CSMD3: variants seen among roughly 807,000 people sequenced by gnomAD.
CSMD3 encodes the protein CUB and Sushi multiple domains 3, also known as CUB and sushi domain-containing protein 3.
A neutral mutation model predicts 435.2 loss-of-function variants in CSMD3; 177 were observed. The ratio of observed to expected loss-of-function variants is 0.41; its 90% CI spans 0.36 to 0.46. CSMD3 has a LOEUF of 0.46. Ranked by LOEUF, CSMD3 falls within the 20% of genes least tolerant of loss-of-function variation. The pLI, the probability that CSMD3 is intolerant of heterozygous loss-of-function variation, is 0.34. For missense variants in CSMD3, 4,265 were observed against 4,504.6 expected (o/e 0.95, Z 1.52); for synonymous variants, 1,656 against 1,520.5 (o/e 1.09, Z -2.07).
chr8:112,681,554 A>T (rs1356942798), intron 16 of CSMD3, among the ~76,000 whole-genome samples: 2 of 151,732 alleles, frequency 1.3e-5, no homozygotes, highest in African/African-American at 2.4e-5. Context: ...ATAATCTGAG[A>T]TTTCATATGA....
intron 27 of CSMD3, among the ~76,000 whole-genome samples, chr8:112,544,744 C>T (rs1011832725): frequency 2.0e-5 from 3 of 152,180 alleles, no homozygotes; most frequent in Non-Finnish European, 4.4e-5. Context: ...CCTTGCTGAT[C>T]TCTGCTTGGG....
At chr8:113,015,667 T>G (rs946875382) in intron 6 of CSMD3, among the ~76,000 whole-genome samples, 6 of 151,854 alleles carry the variant, frequency 4.0e-5, no homozygotes, top group African/African-American at 1.4e-4. Flanking sequence ...ATGAGATATT[T>G]CATACTTGTA....
At chr8:113,258,883 A>G (rs1390428377) in intron 3 of CSMD3, among the ~76,000 whole-genome samples, 2 of 152,174 alleles carry the variant, frequency 1.3e-5, no homozygotes, top group Non-Finnish European at 2.9e-5. Flanking sequence ...GGTAAAGACC[A>G]TAAGAAGTGG....
chr8:112,750,097 A>G (rs922936029), intron 13 of CSMD3, among the ~76,000 whole-genome samples: 1 of 152,080 alleles, frequency 6.6e-6, no homozygotes, highest in Non-Finnish European at 1.5e-5. Flanking sequence ...AAGTCGATGT[A>G]GAGTGTGGTC....
chr8:112,459,639 A>C (rs969542393), intron 32 of CSMD3, among the ~76,000 whole-genome samples: 3 of 152,162 alleles, frequency 2.0e-5, no homozygotes, highest in African/African-American at 7.2e-5. Flanking sequence ...TAACAAGAAC[A>C]ATTAAGCATT....
chr8:113,035,314 G>A (rs1032882600), intron 5 of CSMD3, among the ~76,000 whole-genome samples: 1 of 151,992 alleles, frequency 6.6e-6, no homozygotes, highest in Non-Finnish European at 1.5e-5. Context: ...TAATAAGGCA[G>A]TATTATAAAC....
chr8:112,263,754 G>A lies in CSMD3; in HGVS notation c.9747C>T (p.Phe3249=), dbSNP rs61754530. The change falls in exon 61 of 71, where the codon TTC becomes TTT. Residue 3249 remains phenylalanine (F), a synonymous_variant. Coordinates refer to ENST00000297405, the MANE Select transcript of CSMD3 (RefSeq NM_198123.2). ...TGTAGCTAATACTAAAGCCCCAGTCGAAATTTGTTCCTTCCAGCCTTCCAT... is the reference window on the plus strand; with the variant it reads ...TGTAGCTAATACTAAAGCCCCAGTCAAAATTTGTTCCTTCCAGCCTTCCAT... ...ISNGRLEGTN[F]DWGFSISYIC... 3.7e-5 allele frequency: 60 copies of A among 1,613,724 alleles called. 1 individual carries two copies. The highest frequency in any genetic ancestry group is 2.3e-4 in the South Asian group (21 of 91,082).
intron 3 of CSMD3, among the ~76,000 whole-genome samples, chr8:113,255,546 C>CT (rs1325438830): frequency 6.6e-6 from 1 of 151,954 alleles, no homozygotes; most frequent in Non-Finnish European, 1.5e-5. Context: ...TGTTGCAACT[C>CT]TGAGTTGTAC....
intron 9 of CSMD3, among the ~76,000 whole-genome samples, chr8:112,939,586 AG>A (rs2083388313): frequency 6.6e-6 from 1 of 152,096 alleles, no homozygotes; most frequent in Admixed American, 6.6e-5. Flanking sequence ...ACGCTTTTAC[AG>A]ATGCAATGAC....
intron 3 of CSMD3, among the ~76,000 whole-genome samples, chr8:113,195,074 G>C (rs1244284733): frequency 6.6e-6 from 1 of 151,200 alleles, no homozygotes; most frequent in Non-Finnish European, 1.5e-5. Context: ...GACATCAAGA[G>C]ATCAAAGACA....
At chr8:112,386,753 C>A (rs537790151) in intron 36 of CSMD3, among the ~76,000 whole-genome samples, 5 of 151,776 alleles carry the variant, frequency 3.3e-5, no homozygotes, top group African/African-American at 1.2e-4. Flanking sequence ...CGCCTCGGCC[C>A]CCCAAAGTGC....
At position 113,074,574 on chromosome 8, in the gene CSMD3, A is replaced by G. The variant is rs144893006; in HGVS notation, c.917+24182T>C. 3.7e-4 allele frequency among the ~76,000 whole-genome samples: 57 copies of G among 152,030 alleles called. 1 individual carries two copies. The East Asian group carries it at 0.01, about 28-fold the overall frequency. ...GGCTTAGTCAATGGAATTATGTATC[A>G]TATAATCTTACTTGCTATAGTTAGT... is the stretch of plus-strand genomic sequence containing the variant. On this transcript the variant is annotated intron_variant, in intron 5 of 70. Transcript: ENST00000297405.
intron 32 of CSMD3, among the ~76,000 whole-genome samples, chr8:112,436,245 T>G (rs1190988120): frequency 6.6e-6 from 1 of 151,878 alleles, no homozygotes; most frequent in African/African-American, 2.4e-5. Flanking sequence ...AAAAGACATG[T>G]GTGCAACTAA....
intron 52 of CSMD3, among the ~76,000 whole-genome samples, chr8:112,302,337 G>A (rs1242831747): frequency 1.3e-5 from 2 of 150,902 alleles, no homozygotes; most frequent in Non-Finnish European, 3.0e-5. Flanking sequence ...AGTAACTTTG[G>A]GCAAGCCCTT....
chr8:112,672,579 C>A (rs1280581245), intron 16 of CSMD3, among the ~76,000 whole-genome samples: 2 of 152,036 alleles, frequency 1.3e-5, no homozygotes, highest in Non-Finnish European at 2.9e-5. Context: ...TGTGGGTGTT[C>A]TGCAGCTCCA....
Position 113,108,557 on chromosome 8 carries a change from T to C in CSMD3, c.710-9594A>G, listed in dbSNP as rs1017017500. Among the ~76,000 whole-genome samples the C allele has an allele frequency of 2.0e-5, 3 of 152,136 alleles. No homozygotes were observed. The East Asian group carries it at 5.8e-4, about 29-fold the overall frequency. The stretch of plus-strand genomic sequence containing the variant: ...TCCTTAATTTCAAGAAAGGGCAACA[T>C]AACTATTCGCAGATTCCAGAACTGT... On this transcript the variant is annotated intron_variant, in intron 4 of 70. Transcript: ENST00000297405.
At chr8:112,642,104 C>G (rs1452039664) in intron 20 of CSMD3, among the ~76,000 whole-genome samples, 5 of 151,910 alleles carry the variant, frequency 3.3e-5, no homozygotes, top group African/African-American at 4.8e-5. Context: ...ATCTGTATGA[C>G]TTGTACTTAA....
rs200906592 is a variant in CSMD3, at chr8:112,331,456, A to G, written c.7165+3873T>C. 5.3e-5 allele frequency among the ~76,000 whole-genome samples: 8 copies of G among 152,006 alleles called. 1 individual carries two copies. In the East Asian group the frequency reaches 1.5e-3, roughly 29 times the overall value. On this transcript the variant is annotated intron_variant, in intron 45 of 70. Coordinates refer to ENST00000297405, the MANE Select transcript of CSMD3 (RefSeq NM_198123.2). ...AGCTTTCATTTTGCAAAGCTTTTTT[A>G]TAAATGTTATTTTTGATCATAAAAG... is the stretch of plus-strand genomic sequence containing the variant.
intron 33 of CSMD3, 50 bp downstream of exon 33, chr8:112,408,869 A>C: frequency 6.2e-7 from 1 of 1,612,778 alleles, no homozygotes; most frequent in Non-Finnish European, 8.5e-7. Flanking sequence ...TACTAATCAA[A>C]GTCAGTCTTT....
Sources: gnomAD v4.1 joint callset for allele counts (sites outside exome capture counted in the v4.1 genomes callset) on GRCh38, gnomAD v4.1.1 for gene constraint, MANE v1.5 for transcripts, NCBI Gene and HGNC (gene_info 2026-07-23, HGNC 2026-07-21) for gene names.